Variants in ZBBX observed in about 807,000 individuals in gnomAD.
The protein encoded by ZBBX is zinc finger B-box domain-containing protein 1.
Under a neutral mutation model 108.5 loss-of-function variants are expected in ZBBX, and 101 were observed. The ratio of observed to expected loss-of-function variants is 0.93; its 90% CI spans 0.79 to 1.10. ZBBX has a LOEUF of 1.10. Among genes scored for constraint, ZBBX ranks in the 50% least tolerant of loss-of-function variants. The pLI, the probability that ZBBX is intolerant of heterozygous loss-of-function variation, is 0.00. For missense variants in ZBBX, 1,009 were observed against 941.4 expected, an observed-to-expected ratio of 1.07 and a Z score of -0.94; for synonymous variants, 356 against 323.4, an observed-to-expected ratio of 1.10 and a Z score of -1.08.
At chr3:167,325,303 C>T (rs1560127161) in intron 11 of ZBBX, among the ~76,000 whole-genome samples, 1 of 152,046 alleles carries the variant, frequency 6.6e-6, no homozygotes, top group Non-Finnish European at 1.5e-5. Context: ...GGGGAGGCCT[C>T]ATAATCATGA....
intron 20 of ZBBX, among the ~76,000 whole-genome samples, chr3:167,254,667 T>A (rs1186229302): frequency 6.6e-6 from 1 of 152,090 alleles, no homozygotes; most frequent in East Asian, 1.9e-4. Flanking sequence ...GAAAGCCTAA[T>A]GGAACAGAAA....
At position 167,350,464 on chromosome 3, in the gene ZBBX, G is replaced by A. The variant is rs1056508523; in HGVS notation, c.484C>T (p.His162Tyr). 4 of 1,597,838 alleles carry A rather than the reference G, an allele frequency of 2.5e-6. No individual in the cohort carries two copies. The African/African-American group carries it at 4.0e-5, about 16-fold the overall frequency. ...DYCSGCFAKV[H>Y]QKGALKLHRT... ...TGGAGCTTTAGTGCCCCTTTCTGGT[G>A]AACTTTAGCAAAGCATCCTGAACAA... The change falls in exon 9 of 22, where the codon CAC becomes TAC. Residue 162 changes from histidine to tyrosine, a missense_variant. Transcript: ENST00000675490.
intron 9 of ZBBX, among the ~76,000 whole-genome samples, chr3:167,339,563 G>A (rs768681835): frequency 1.8e-4 from 27 of 152,120 alleles, no homozygotes; most frequent in Non-Finnish European, 7.4e-5. Context: ...TGGTTACAAA[G>A]CACCATAGGA....
intron 1 of ZBBX, among the ~76,000 whole-genome samples, chr3:167,386,488 T>C (rs547546319): frequency 6.6e-6 from 1 of 152,080 alleles, no homozygotes; most frequent in South Asian, 2.1e-4. Context: ...GTAACTCTCA[T>C]AATTGCAAAT....
At position 167,358,113 on chromosome 3, in the gene ZBBX, C is replaced by T. The variant is rs533349508; in HGVS notation, c.432+1757G>A. Among the ~76,000 whole-genome samples, 17 of 151,756 alleles carry T rather than the reference C, an allele frequency of 1.1e-4. No individual in the cohort carries two copies. The East Asian group carries it at 3.3e-3, about 29-fold the overall frequency. The stretch of plus-strand genomic sequence containing the variant: ...AGCACACCAGCATGGCACATGTATA[C>T]ATATGTAACTAACCTGCACATTGTG... On this transcript the variant is annotated intron_variant, in intron 8 of 21. Transcript: ENST00000675490.
intron 20 of ZBBX, among the ~76,000 whole-genome samples, chr3:167,268,947 C>T (rs1726056787): frequency 1.3e-5 from 2 of 152,278 alleles, no homozygotes; most frequent in South Asian, 2.1e-4. Flanking sequence ...ATCTACCAGA[C>T]CCTCTAAAGA....
chr3:167,274,642 C>G (rs370756555), intron 20 of ZBBX, among the ~76,000 whole-genome samples: 12 of 152,274 alleles, frequency 7.9e-5, no homozygotes, highest in Middle Eastern at 3.4e-3. Flanking sequence ...CAGCCTACCC[C>G]CTTCCCGTCA....
chr3:167,203,659 A>G, the ZBBX span, among the ~76,000 whole-genome samples: 1 of 152,188 alleles, frequency 6.6e-6, no homozygotes, highest in Non-Finnish European at 1.5e-5. Context: ...TTAAGGAAGC[A>G]TATAACAGTG....
intron 9 of ZBBX, among the ~76,000 whole-genome samples, chr3:167,337,328 G>A (rs1241730293): frequency 1.3e-5 from 2 of 151,994 alleles, no homozygotes; most frequent in Non-Finnish European, 2.9e-5. Context: ...GACCAACCTG[G>A]CTAAAATTGT....
intron 7 of ZBBX, among the ~76,000 whole-genome samples, chr3:167,360,394 T>C (rs1744314262): frequency 6.6e-6 from 1 of 151,614 alleles, no homozygotes; most frequent in African/African-American, 2.4e-5. Context: ...ATCTTCCTTA[T>C]TAAAACATTA....
At chr3:167,243,192 A>G (rs990183195) in intron 20 of ZBBX, among the ~76,000 whole-genome samples, 5 of 152,258 alleles carry the variant, frequency 3.3e-5, no homozygotes, top group African/African-American at 1.2e-4. Context: ...AAGGACAAAT[A>G]CTGCAAGTTA....
At chr3:167,234,419 G>A in the ZBBX span, among the ~76,000 whole-genome samples, 2 of 151,828 alleles carry the variant, frequency 1.3e-5, no homozygotes, top group African/African-American at 2.4e-5. Flanking sequence ...AAAGAGATGT[G>A]GAATGTGTTT....
At chr3:167,270,353 T>C (rs564308057) in intron 20 of ZBBX, among the ~76,000 whole-genome samples, 1 of 152,338 alleles carries the variant, frequency 6.6e-6, no homozygotes, top group African/African-American at 2.4e-5. Flanking sequence ...TTGACTCATA[T>C]GCCTTACACA....
At chr3:167,182,821 T>C in the ZBBX span, among the ~76,000 whole-genome samples, 1 of 151,214 alleles carries the variant, frequency 6.6e-6, no homozygotes, top group African/African-American at 2.4e-5. Context: ...TCCATATTGA[T>C]TAATAGCTTG....
chr3:167,347,375 T>C (rs1741654421), intron 9 of ZBBX, among the ~76,000 whole-genome samples: 1 of 151,898 alleles, frequency 6.6e-6, no homozygotes, highest in African/African-American at 2.4e-5. Flanking sequence ...AAAGCACCTA[T>C]GTATAAAAAA....
At chr3:167,371,446 C>T (rs530167015) in intron 4 of ZBBX, among the ~76,000 whole-genome samples, 1 of 152,168 alleles carries the variant, frequency 6.6e-6, no homozygotes, top group African/African-American at 2.4e-5. Flanking sequence ...CTCTCCTAGT[C>T]CCTTGCCTTT....
intron 20 of ZBBX, among the ~76,000 whole-genome samples, chr3:167,275,194 T>C (rs1189592402): frequency 1.3e-5 from 2 of 152,174 alleles, no homozygotes; most frequent in African/African-American, 2.4e-5. Flanking sequence ...CTTCAATCTG[T>C]TCATTCTACT....
chr3:167,380,904 A>ACACACG (rs1560209791), upstream of ZBBX, among the ~76,000 whole-genome samples: 1 of 149,784 alleles, frequency 6.7e-6, no homozygotes, highest in Non-Finnish European at 1.5e-5. Flanking sequence ...ACACACACAC[A>ACACACG]CAGTTAACCC....
At position 167,359,909 on chromosome 3, in the gene ZBBX, C is replaced by G. The variant is rs776821048; in HGVS notation, c.393G>C (p.Gly131=). The change falls in exon 8 of 22, where the codon GGG becomes GGC. Residue 131 remains glycine, a synonymous_variant. Transcript: ENST00000675490. ...TGTTCTCACACTGTCCACATACTTT[C>G]CCATTTATCTTGGGTTTTTCACATT... is the stretch of plus-strand genomic sequence containing the variant. ...SSECEKPKIN[G]KVCGQCENKA... is the part of the protein sequence containing the mutation. The G allele has an allele frequency of 8.9e-6, 14 of 1,569,304 alleles. No individual in the cohort carries two copies. In the South Asian group the frequency reaches 1.5e-4, roughly 17 times the overall value.
Sources: gnomAD v4.1 joint callset for allele counts (sites outside exome capture counted in the v4.1 genomes callset) on GRCh38, gnomAD v4.1.1 for gene constraint, MANE v1.5 for transcripts, NCBI Gene and HGNC (gene_info 2026-07-23, HGNC 2026-07-21) for gene names.